Variants in CCDC178 observed in about 807,000 individuals in gnomAD.
CCDC178 encodes coiled-coil domain containing 178.
In CCDC178, 126 loss-of-function variants were observed where a neutral mutation model predicts 117.4. The ratio of observed to expected loss-of-function variants is 1.07; its 90% CI spans 0.93 to 1.24. The LOEUF (loss-of-function observed/expected upper bound fraction) is 1.24. CCDC178 is among the 50% of genes most tolerant of loss of function. CCDC178 has a pLI of 0.00. For synonymous variants in CCDC178, 283 were observed against 313.4 expected (o/e 0.90, Z 1.02); for missense variants, 1,030 against 986.9 (o/e 1.04, Z -0.59).
chr18:33,372,894 C>T (rs2063318683), intron 5 of CCDC178, among the ~76,000 whole-genome samples: 2 of 152,108 alleles, frequency 1.3e-5, no homozygotes, highest in South Asian at 4.1e-4. Flanking sequence ...ATGTACGTTA[C>T]CCCAATTATT....
intron 11 of CCDC178, among the ~76,000 whole-genome samples, chr18:33,322,925 A>G (rs1048005317): frequency 1.3e-5 from 2 of 151,404 alleles, no homozygotes; most frequent in African/African-American, 4.8e-5. Flanking sequence ...ATGCTATTAC[A>G]TCACACAGAA....
chr18:33,436,395 G>C (rs1416361815), intron 2 of CCDC178, among the ~76,000 whole-genome samples: 1 of 152,170 alleles, frequency 6.6e-6, no homozygotes, highest in East Asian at 1.9e-4. Flanking sequence ...TCTAGGACTT[G>C]AGCAGATATG....
At chr18:33,181,254 G>A (rs1384626271) in intron 20 of CCDC178, among the ~76,000 whole-genome samples, 1 of 151,940 alleles carries the variant, frequency 6.6e-6, no homozygotes, top group East Asian at 1.9e-4. Context: ...TTTGTCATAA[G>A]ATAAATGATA....
chr18:33,250,543 C>G (rs915844081), intron 14 of CCDC178, among the ~76,000 whole-genome samples: 2 of 151,294 alleles, frequency 1.3e-5, no homozygotes, highest in African/African-American at 4.9e-5. Flanking sequence ...GAATAAGAAA[C>G]AAGGTAAAAG....
chr18:33,312,143 G>T (rs531702386), intron 11 of CCDC178, among the ~76,000 whole-genome samples: 4 of 152,202 alleles, frequency 2.6e-5, no homozygotes, highest in African/African-American at 9.6e-5. Context: ...GCACCCAGTG[G>T]TAACTAATTC....
intron 11 of CCDC178, among the ~76,000 whole-genome samples, chr18:33,306,412 T>TTGTGTGTGTG (rs71159815): frequency 0.01 from 1,292 of 126,216 alleles, 55 homozygotes; most frequent in South Asian, 0.016. Flanking sequence ...TATTGGATCT[T>TTGTGTGTGTG]TGTGTGTGTG....
chr18:33,126,395 A>C lies in CCDC178; in HGVS notation c.2239-33485T>G, dbSNP rs760997166. The stretch of plus-strand genomic sequence containing the variant: ...TGTATGTGTTAATGCTACACATTAC[A>C]TATATACACATATTAAATATAAATA... On this transcript the variant is annotated intron_variant, in intron 20 of 22. Coordinates refer to ENST00000383096, the MANE Select transcript of CCDC178 (RefSeq NM_001105528.4). Among the ~76,000 whole-genome samples, 115 of 148,828 alleles carry C rather than the reference A, an allele frequency of 7.7e-4. 1 individual carries two copies. Among genetic ancestry groups the C allele is most frequent in the Admixed American group, 1.9e-3 (28 of 14,826 alleles).
chr18:33,413,688 C>T (rs1394493922), intron 2 of CCDC178, among the ~76,000 whole-genome samples: 1 of 151,996 alleles, frequency 6.6e-6, no homozygotes, highest in Non-Finnish European at 1.5e-5. Context: ...CATTTTAGGC[C>T]ACTCTTTCCC....
intron 2 of CCDC178, among the ~76,000 whole-genome samples, chr18:33,418,293 CATGT>C (rs962589841): frequency 6.6e-6 from 1 of 152,156 alleles, no homozygotes; most frequent in African/African-American, 2.4e-5. Context: ...AACATCCATT[CATGT>C]TAAAAACCTT....
chr18:33,081,655 A>C (rs1197989216), intron 21 of CCDC178, among the ~76,000 whole-genome samples: 1 of 152,180 alleles, frequency 6.6e-6, no homozygotes, highest in African/African-American at 2.4e-5. Context: ...CAGTGCATAT[A>C]TCTTTCTTTA....
chr18:32,967,655 C>T (rs2054843319), intron 22 of CCDC178, among the ~76,000 whole-genome samples: 1 of 151,532 alleles, frequency 6.6e-6, no homozygotes, highest in Non-Finnish European at 1.5e-5. Context: ...TGCATTTAGC[C>T]TTACTTTATA....
chr18:33,041,834 T>C (rs888915773), intron 21 of CCDC178, among the ~76,000 whole-genome samples: 5 of 151,844 alleles, frequency 3.3e-5, no homozygotes, highest in African/African-American at 1.2e-4. Context: ...TATAAGACTA[T>C]ATGTGAAAAA....
chr18:33,330,439 T>C (rs983495246), intron 10 of CCDC178, among the ~76,000 whole-genome samples: 4 of 152,174 alleles, frequency 2.6e-5, no homozygotes, highest in Admixed American at 6.5e-5. Context: ...AACTCTCATT[T>C]TGACCCCTGG....
At chr18:33,287,791 T>C (rs993566382) in intron 12 of CCDC178, among the ~76,000 whole-genome samples, 1 of 151,790 alleles carries the variant, frequency 6.6e-6, no homozygotes, top group Non-Finnish European at 1.5e-5. Flanking sequence ...AATAAATGAA[T>C]GAATAAATAA....
chr18:33,293,159 C>G lies in CCDC178; in HGVS notation c.1176G>C (p.Met392Ile), dbSNP rs755851074. The change falls in exon 12 of 23, where the codon ATG (methionine) becomes ATC (isoleucine). Residue 392 changes from methionine (M) to isoleucine (I), a missense_variant and splice_region_variant. Transcript: ENST00000383096. ...TTTATTTCTAATATGAAAAACTCAC[C>G]ATTTTTGATAGAGAATGTAATTCAT... is the stretch of plus-strand genomic sequence containing the variant. ...SKNELHSLSKMLEDLRRVYDQ... is the reference protein window; with the variant it reads ...SKNELHSLSKILEDLRRVYDQ... The G allele has an allele frequency of 1.5e-5, 24 of 1,548,988 alleles. No homozygotes were observed. The Admixed American group carries it at 2.7e-4, about 18-fold the overall frequency.
At chr18:33,272,453 G>T (rs1324096565) in intron 12 of CCDC178, among the ~76,000 whole-genome samples, 1 of 151,522 alleles carries the variant, frequency 6.6e-6, no homozygotes, top group Non-Finnish European at 1.5e-5. Flanking sequence ...TGCTTTACTG[G>T]TGAATACTAC....
intron 5 of CCDC178, among the ~76,000 whole-genome samples, chr18:33,372,547 T>C (rs1300393597): frequency 6.6e-6 from 1 of 152,064 alleles, no homozygotes; most frequent in Non-Finnish European, 1.5e-5. Context: ...TGTGAGTATA[T>C]TAAGAATTAA....
chr18:33,063,402 A>G (rs1401331236), intron 21 of CCDC178, among the ~76,000 whole-genome samples: 2 of 152,150 alleles, frequency 1.3e-5, no homozygotes, highest in African/African-American at 4.8e-5. Flanking sequence ...AACTCTGTTC[A>G]GGGGCCTGGG....
At chr18:32,964,138 C>A (rs2054763349) in intron 22 of CCDC178, among the ~76,000 whole-genome samples, 1 of 151,974 alleles carries the variant, frequency 6.6e-6, no homozygotes, top group Non-Finnish European at 1.5e-5. Context: ...TTAGAATTTT[C>A]TGACTCTAAC....
Sources: gnomAD v4.1 joint callset for allele counts (sites outside exome capture counted in the v4.1 genomes callset) on GRCh38, gnomAD v4.1.1 for gene constraint, MANE v1.5 for transcripts, NCBI Gene and HGNC (gene_info 2026-07-23, HGNC 2026-07-21) for gene names.